The following STAT3 variants were observed in gnomAD, a reference collection of about 807,000 sequenced individuals.
STAT3 encodes DNA-binding protein APRF.
A neutral mutation model predicts 114.3 loss-of-function variants in STAT3; 7 were observed. That is an observed-to-expected ratio of 0.06 (90% CI 0.03 to 0.11). The LOEUF is 0.11. Ranked by LOEUF, STAT3 falls within the 10% of genes least tolerant of loss-of-function variation. The probability of loss-of-function intolerance (pLI) is 1.00; values close to 1 mark genes in which losing one functional copy is unlikely to be tolerated. For synonymous variants in STAT3, 331 were observed against 354.5 expected, an observed-to-expected ratio of 0.93 and a Z score of 0.74; for missense variants, 364 against 960.9, an observed-to-expected ratio of 0.38 and a Z score of 8.21.
chr17:42,373,045 AC>A (rs2084242670), intron 1 of STAT3, among the ~76,000 whole-genome samples: 2 of 152,138 alleles, frequency 1.3e-5, no homozygotes, highest in Admixed American at 6.6e-5. Context: ...TGTAAAACTA[AC>A]ACTGCTTTAA....
intron 1 of STAT3, among the ~76,000 whole-genome samples, chr17:42,350,223 C>T (rs757185478): frequency 5.3e-5 from 8 of 152,092 alleles, no homozygotes; most frequent in South Asian, 2.1e-4. Flanking sequence ...AGAGAAGGCA[C>T]GAAGAAGCAC....
At chr17:42,340,605 C>T (rs1020781575) in intron 4 of STAT3, among the ~76,000 whole-genome samples, 3 of 152,012 alleles carry the variant, frequency 2.0e-5, no homozygotes, top group Non-Finnish European at 4.4e-5. Context: ...TCATTTAAGT[C>T]CAGAAGTTTG....
intron 15 of STAT3, 65 bp downstream of exon 15, chr17:42,326,051 G>A (rs907859810): frequency 1.1e-5 from 15 of 1,380,112 alleles, no homozygotes; most frequent in East Asian, 2.3e-5. Flanking sequence ...AAAAATCCCA[G>A]TGGAAGTTTT....
intron 1 of STAT3, among the ~76,000 whole-genome samples, chr17:42,360,587 T>C (rs561760829): frequency 1.3e-5 from 2 of 151,604 alleles, no homozygotes; most frequent in African/African-American, 4.8e-5. Context: ...GAGGTGGCAG[T>C]GAGCCAAGAT....
Position 42,325,069 on chromosome 17 carries a change from G to A in STAT3, c.1366-8C>T, listed in dbSNP as rs1295877091. 1.2e-6 allele frequency: 2 copies of A among 1,613,746 alleles called. No individual in the cohort carries two copies. The highest frequency in any genetic ancestry group is 1.3e-5 in the African/African-American group (1 of 75,030). ...AACTGGCAAGGAGTGGGTCTGCGGA[G>A]GGAGTGGGGACTGAGCTGGGGAGGC... On this transcript the variant is annotated splice_region_variant and splice_polypyrimidine_tract_variant and intron_variant, in intron 15 of 23. Transcript: ENST00000264657.
At chr17:42,360,147 G>A (rs533539634) in intron 1 of STAT3, among the ~76,000 whole-genome samples, 81 of 150,398 alleles carry the variant, frequency 5.4e-4, no homozygotes, top group Admixed American at 5.2e-3. Context: ...GAATCATAAC[G>A]CACAGTCTGT....
intron 1 of STAT3, chr17:42,374,069 A>T (rs958689346): frequency 6.6e-6 from 1 of 152,230 alleles, no homozygotes. Context: ...CTCATTACAC[A>T]TCATAGTTTT....
At chr17:42,375,139 CAAG>C (rs1419500369) in intron 1 of STAT3, among the ~76,000 whole-genome samples, 1 of 152,076 alleles carries the variant, frequency 6.6e-6, no homozygotes, top group Admixed American at 6.6e-5. Flanking sequence ...ACGTGCATAC[CAAG>C]AAGAGTAAAC....
At chr17:42,331,572 C>G in intron 10 of STAT3, 41 bp from the exon 11 acceptor site, 1 of 1,496,778 alleles carries the variant, frequency 6.7e-7, no homozygotes. Context: ...AAGTCAGTAA[C>G]TCTCCCATAA....
intron 8 of STAT3, 115 bp from the exon 9 acceptor site, chr17:42,334,164 T>G (rs922931601): frequency 8.1e-7 from 1 of 1,240,042 alleles, no homozygotes; most frequent in African/African-American, 1.5e-5. Context: ...ACAAGGAATT[T>G]TTTTATTGTG....
At position 42,384,137 on chromosome 17, in the gene STAT3, T is replaced by A. The variant is rs548873900; in HGVS notation, c.-24+4142A>T. Among the ~76,000 whole-genome samples, 1,082 of 149,978 alleles carry A rather than the reference T, an allele frequency of 7.2e-3. 8 individuals carry two copies. The highest frequency in any genetic ancestry group is 0.019 in the African/African-American group (768 of 41,186). ...ATTTATTTATTTATTTATTTATTTTTTTTTTTTTTGAGACGGAGTCTCGCT... is the reference window on the plus strand; with the variant it reads ...ATTTATTTATTTATTTATTTATTTTATTTTTTTTTGAGACGGAGTCTCGCT... On this transcript the variant is annotated intron_variant, in intron 1 of 23. Coordinates refer to ENST00000264657, the MANE Select transcript of STAT3 (RefSeq NM_139276.3).
intron 1 of STAT3, among the ~76,000 whole-genome samples, chr17:42,383,799 C>G (rs1265126635): frequency 2.0e-5 from 3 of 152,164 alleles, no homozygotes; most frequent in African/African-American, 7.2e-5. Flanking sequence ...ATAAATGACT[C>G]AAAAGTTATG....
intron 2 of STAT3, among the ~76,000 whole-genome samples, chr17:42,347,295 T>C (rs542467720): frequency 4.6e-5 from 7 of 152,216 alleles, no homozygotes; most frequent in South Asian, 2.1e-4. Context: ...TAGACAGATA[T>C]GCTGTTTTGC....
chr17:42,359,487 A>G (rs2145144055), intron 1 of STAT3, among the ~76,000 whole-genome samples: 1 of 152,258 alleles, frequency 6.6e-6, no homozygotes, highest in African/African-American at 2.4e-5. Flanking sequence ...CTCCATACGT[A>G]TTTCACCTAG....
intron 4 of STAT3, 171 bp downstream of exon 4, chr17:42,345,388 G>A (rs1281225994): frequency 3.2e-6 from 2 of 624,958 alleles, no homozygotes; most frequent in Admixed American, 3.1e-5. Flanking sequence ...AATGTATTTT[G>A]GGGGGTGGAA....
chr17:42,368,589 A>C (rs1209480303), intron 1 of STAT3, among the ~76,000 whole-genome samples: 1 of 152,060 alleles, frequency 6.6e-6, no homozygotes, highest in East Asian at 1.9e-4. Context: ...CCTCCCTGGT[A>C]GCTGGGACTG....
intron 1 of STAT3, among the ~76,000 whole-genome samples, chr17:42,375,032 G>A (rs935431148): frequency 6.6e-6 from 1 of 152,210 alleles, no homozygotes; most frequent in African/African-American, 2.4e-5. Flanking sequence ...AGAATCGTCT[G>A]TAGGAATTAA....
intron 23 of STAT3, chr17:42,316,130 T>A (rs2081239194): frequency 7.8e-7 from 1 of 1,276,246 alleles, no homozygotes; most frequent in African/African-American, 1.5e-5. Context: ...ATTTGAGATT[T>A]GGTTTGTCCA....
At chr17:42,327,791 T>C (rs1417262859) in intron 14 of STAT3, among the ~76,000 whole-genome samples, 1 of 152,204 alleles carries the variant, frequency 6.6e-6, no homozygotes. Context: ...CTCATGCCTG[T>C]AATCCCAGCA....
Sources: gnomAD v4.1 joint callset for allele counts (sites outside exome capture counted in the v4.1 genomes callset) on GRCh38, gnomAD v4.1.1 for gene constraint, MANE v1.5 for transcripts, NCBI Gene and HGNC (gene_info 2026-07-23, HGNC 2026-07-21) for gene names.